Variants in AGBL4 observed in about 807,000 individuals in gnomAD.
The protein encoded by AGBL4 is AGBL carboxypeptidase 4.
AGBL4 carries 58 observed loss-of-function variants against 66.4 expected under a neutral mutation model. That is an observed-to-expected ratio of 0.87 (90% CI 0.71 to 1.09). The LOEUF (loss-of-function observed/expected upper bound fraction) is 1.09, where lower values mean the gene tolerates loss of function less well. AGBL4 is among the 50% of genes least tolerant of loss of function. The probability of loss-of-function intolerance (pLI) is 0.00; values close to 1 mark genes in which losing one functional copy is unlikely to be tolerated. For missense variants in AGBL4, 579 were observed against 631.0 expected (o/e 0.92, Z 0.88); for synonymous variants, 234 against 222.9 (o/e 1.05, Z -0.44).
intron 3 of AGBL4, among the ~76,000 whole-genome samples, chr1:49,318,306 A>G (rs1223931897): frequency 6.6e-6 from 1 of 151,928 alleles, no homozygotes; most frequent in African/African-American, 2.4e-5. Context: ...AGCTTCTATT[A>G]ATCCCAATAT....
In AGBL4 at chr1:49,372,039, T is replaced by TA. The variant is rs964762711; in HGVS notation, c.283-126176dup. ...AGTAAATTCATGGTATCATAGGAGG[T>TA]AAAAAAAATCCTATTTCAGAATCTA... On this transcript the variant is annotated intron_variant, in intron 3 of 13. Coordinates refer to ENST00000371839, the MANE Select transcript of AGBL4 (RefSeq NM_032785.4). 9.9e-5 allele frequency among the ~76,000 whole-genome samples: 15 copies of TA among 151,958 alleles called. No homozygotes were observed. The East Asian group carries it at 1.9e-3, about 20-fold the overall frequency.
At chr1:49,877,053 T>C (rs1394939390) in intron 1 of AGBL4, among the ~76,000 whole-genome samples, 2 of 151,740 alleles carry the variant, frequency 1.3e-5, no homozygotes, top group Admixed American at 1.3e-4. Flanking sequence ...TTAAGGAGAT[T>C]TTGGGCTGAG....
At chr1:48,757,110 T>C (rs1038873161) in intron 6 of AGBL4, among the ~76,000 whole-genome samples, 8 of 152,216 alleles carry the variant, frequency 5.3e-5, no homozygotes, top group Non-Finnish European at 1.0e-4. Flanking sequence ...TTCATAATCA[T>C]GAAAAACAGG....
At chr1:48,905,868 C>T (rs1233309875) in intron 5 of AGBL4, among the ~76,000 whole-genome samples, 1 of 152,182 alleles carries the variant, frequency 6.6e-6, no homozygotes, top group Non-Finnish European at 1.5e-5. Flanking sequence ...TAGTAGTATT[C>T]ATCCATTTAT....
At chr1:49,639,174 C>T (rs1262401893) in intron 3 of AGBL4, among the ~76,000 whole-genome samples, 1 of 152,138 alleles carries the variant, frequency 6.6e-6, no homozygotes, top group African/African-American at 2.4e-5. Context: ...AATCTGGAAA[C>T]TAAAAACCTC....
chr1:49,677,764 A>C (rs1646609373), intron 3 of AGBL4, among the ~76,000 whole-genome samples: 1 of 152,082 alleles, frequency 6.6e-6, no homozygotes, highest in Non-Finnish European at 1.5e-5. Context: ...GAGGTCATAA[A>C]GGTGGGGTCC....
chr1:48,574,522 TTTTTC>T (rs148218619), intron 11 of AGBL4, among the ~76,000 whole-genome samples: 14,535 of 150,652 alleles, frequency 0.096, 661 homozygotes, highest in South Asian at 0.17. Context: ...TATGTATATT[TTTTTC>T]TTTTCTTTTC....
At position 49,625,359 on chromosome 1, in the gene AGBL4, T is replaced by C. The variant is rs562349432; in HGVS notation, c.282+71954A>G. 2.0e-4 allele frequency among the ~76,000 whole-genome samples: 30 copies of C among 152,314 alleles called. No homozygotes were observed. The South Asian group carries it at 6.2e-3, about 32-fold the overall frequency. On this transcript the variant is annotated intron_variant, in intron 3 of 13. Transcript: ENST00000371839. ...TTTTTTCCTTCTCTGTCACCCCTTC[T>C]CTTCCATTTTCTGTTGAGTCCAAAA...
chr1:49,390,063 A>T (rs1418836308), intron 3 of AGBL4, among the ~76,000 whole-genome samples: 1 of 152,184 alleles, frequency 6.6e-6, no homozygotes, highest in Non-Finnish European at 1.5e-5. Flanking sequence ...CTCTCTGGTA[A>T]ATTCAATTCA....
rs574632975 is a variant in AGBL4, at chr1:49,430,229, T to C, written c.283-184365A>G. 4.2e-4 allele frequency among the ~76,000 whole-genome samples: 64 copies of C among 152,240 alleles called. No individual in the cohort carries two copies. In the South Asian group the frequency reaches 0.013, roughly 31 times the overall value. On this transcript the variant is annotated intron_variant, in intron 3 of 13. Coordinates refer to ENST00000371839, the MANE Select transcript of AGBL4 (RefSeq NM_032785.4). ...CTGCTTGAAATGCCCTTCCTATTAG[T>C]CTTTGCCTGTGTAATTGCTATCTTT... is the stretch of plus-strand genomic sequence containing the variant.
chr1:49,888,943 A>T (rs548461334), intron 1 of AGBL4, among the ~76,000 whole-genome samples: 25 of 152,352 alleles, frequency 1.6e-4, no homozygotes, highest in African/African-American at 5.8e-4. Flanking sequence ...CAAAATAAAT[A>T]AAGTATATGG....
chr1:49,007,846 C>A (rs2149000292), intron 5 of AGBL4, among the ~76,000 whole-genome samples: 1 of 151,792 alleles, frequency 6.6e-6, no homozygotes, highest in Middle Eastern at 3.4e-3. Flanking sequence ...TTGTCACCAC[C>A]AGGCCTGCCC....
rs11205612 is a variant in AGBL4, at chr1:49,237,715, G to A, written c.377+8055C>T. ...TACATATACTGAGAACCATGTCAAT[G>A]TTATAATTTTTGCTTCAATATAAGG... On this transcript the variant is annotated intron_variant, in intron 4 of 13. Coordinates refer to ENST00000371839, the MANE Select transcript of AGBL4 (RefSeq NM_032785.4). 2.0e-3 allele frequency among the ~76,000 whole-genome samples: 300 copies of A among 151,614 alleles called. 4 individuals carry two copies. Among genetic ancestry groups the A allele is most frequent in the African/African-American group, 6.8e-3 (280 of 41,226 alleles).
chr1:49,685,199 C>T (rs921139821), intron 3 of AGBL4, among the ~76,000 whole-genome samples: 4 of 151,948 alleles, frequency 2.6e-5, no homozygotes, highest in African/African-American at 9.7e-5. Flanking sequence ...TTAGGATATA[C>T]CCATGTTGCT....
chr1:49,811,895 A>G (rs1356821146), intron 2 of AGBL4, among the ~76,000 whole-genome samples: 1 of 152,216 alleles, frequency 6.6e-6, no homozygotes, highest in Non-Finnish European at 1.5e-5. Context: ...GACAAAGGTA[A>G]ATCAGAATCC....
intron 6 of AGBL4, chr1:48,742,848 C>A (rs2148598354): frequency 2.9e-6 from 4 of 1,397,140 alleles, no homozygotes; most frequent in Non-Finnish European, 3.8e-6. Flanking sequence ...AGGCATCTAT[C>A]AGCACACCAT....
At chr1:49,222,752 T>G (rs1180447465) in intron 4 of AGBL4, among the ~76,000 whole-genome samples, 1 of 152,244 alleles carries the variant, frequency 6.6e-6, no homozygotes, top group Non-Finnish European at 1.5e-5. Context: ...TCATATAATT[T>G]AAACAGTAAT....
chr1:49,052,970 G>A (rs1644246685), intron 4 of AGBL4, among the ~76,000 whole-genome samples: 1 of 152,100 alleles, frequency 6.6e-6, no homozygotes, highest in African/African-American at 2.4e-5. Flanking sequence ...ATGTAACCTT[G>A]GGCCTGGGTT....
intron 5 of AGBL4, among the ~76,000 whole-genome samples, chr1:48,879,660 A>G (rs983597806): frequency 6.6e-6 from 1 of 152,178 alleles, no homozygotes; most frequent in African/African-American, 2.4e-5. Context: ...TACTATGCAA[A>G]TAATGCTTTA....
Sources: allele counts gnomAD v4.1 joint callset (sites outside exome capture counted in the v4.1 genomes callset), GRCh38; gene constraint gnomAD v4.1.1; transcripts MANE v1.5; gene names NCBI Gene and HGNC (gene_info 2026-07-23, HGNC 2026-07-21).